The following INO80D variants were observed in gnomAD, a reference collection of about 807,000 sequenced individuals.
The protein encoded by INO80D is INO80 complex subunit D.
INO80D carries 21 observed loss-of-function variants against 87.6 expected under a neutral mutation model. The observed-to-expected ratio is 0.24, with a 90% CI of 0.17 to 0.35. The LOEUF (loss-of-function observed/expected upper bound fraction) is 0.35. INO80D is among the 10% of genes least tolerant of loss of function. The pLI is 1.00. For missense variants in INO80D, 982 were observed against 1,280.7 expected, an observed-to-expected ratio of 0.77 and a Z score of 3.56; for synonymous variants, 440 against 491.0, an observed-to-expected ratio of 0.90 and a Z score of 1.37.
chr2:206,058,367 C>T (rs1348211448), intron 3 of INO80D, among the ~76,000 whole-genome samples: 1 of 142,758 alleles, frequency 7.0e-6, no homozygotes, highest in Non-Finnish European at 1.5e-5. Flanking sequence ...TGCAGTGAGC[C>T]GAGATGGTGC....
Position 206,062,792 on chromosome 2 carries a change from C to A in INO80D, c.218+7G>T. The A allele has an allele frequency of 6.3e-7, 1 of 1,596,166 alleles. No homozygotes were observed. Among genetic ancestry groups the A allele is most frequent in the Non-Finnish European group, 8.5e-7 (1 of 1,173,800 alleles). ...ATCAAGGATTGATTCTCATGATTAG[C>A]CCTTACCTACGATCCTCTGATTTGG... On this transcript the variant is annotated splice_region_variant and intron_variant, in intron 3 of 10. Transcript: ENST00000403263. The surrounding 1 kb of genome is among the most constrained non-coding windows in gnomAD (Gnocchi z 4.6).
rs1166702269 is a variant in INO80D, at chr2:206,056,790, G to A, written c.372C>T (p.Asn124=). ...GAGAGAGGGACATTCCATCCAGTCC[G>A]TTGGGCATCTTCAAGGCCAACGTGG... ...TVPTLALKMP[N]GLDGMSLSPP... The change falls in exon 4 of 11, where the codon AAC becomes AAT. Residue 124 remains asparagine (N), a synonymous_variant. Coordinates refer to ENST00000403263, the MANE Select transcript of INO80D (RefSeq NM_017759.5). 10 of 1,612,508 alleles carry A rather than the reference G, an allele frequency of 6.2e-6. No individual in the cohort carries two copies. Among genetic ancestry groups the A allele is most frequent in the Middle Eastern group, 1.7e-4 (1 of 6,060 alleles).
intron 4 of INO80D, among the ~76,000 whole-genome samples, chr2:206,052,872 G>T (rs1212269018): frequency 6.6e-6 from 1 of 151,884 alleles, no homozygotes. Context: ...ATACATAAGA[G>T]CTTTATGGTT....
At chr2:206,026,515 C>T (rs1688619282) in intron 6 of INO80D, among the ~76,000 whole-genome samples, 2 of 151,304 alleles carry the variant, frequency 1.3e-5, no homozygotes, top group Admixed American at 1.3e-4. Flanking sequence ...CACTTCACTC[C>T]AGCCTGGGTG....
At chr2:206,077,172 G>A (rs1690141966) in intron 1 of INO80D, among the ~76,000 whole-genome samples, 1 of 152,016 alleles carries the variant, frequency 6.6e-6, no homozygotes, top group Non-Finnish European at 1.5e-5. Context: ...AGCTACTCAG[G>A]AGGCTGAGGG....
At chr2:206,029,174 C>T (rs372352606) in intron 5 of INO80D, among the ~76,000 whole-genome samples, 8 of 152,236 alleles carry the variant, frequency 5.3e-5, no homozygotes, top group Middle Eastern at 3.4e-3. Context: ...AGGCATGAGC[C>T]ACCGAGCCCG....
At chr2:206,083,319 A>C (rs536970547) in intron 1 of INO80D, among the ~76,000 whole-genome samples, 18 of 152,334 alleles carry the variant, frequency 1.2e-4, no homozygotes, top group Non-Finnish European at 1.8e-4. Context: ...AGGCAATAAC[A>C]ATTTTTTTCA....
chr2:206,053,441 T>C (rs993107739), intron 4 of INO80D, among the ~76,000 whole-genome samples: 1 of 152,190 alleles, frequency 6.6e-6, no homozygotes, highest in African/African-American at 2.4e-5. Context: ...AACAAATGGG[T>C]ATTAATATGG....
chr2:206,060,393 C>T (rs575954920), intron 3 of INO80D, among the ~76,000 whole-genome samples: 127 of 151,692 alleles, frequency 8.4e-4, no homozygotes, highest in Admixed American at 2.2e-3. Context: ...ATTAGCCGAG[C>T]GTGGTAGTGT....
intron 1 of INO80D, among the ~76,000 whole-genome samples, chr2:206,066,247 C>T (rs994644416): frequency 3.3e-5 from 5 of 150,970 alleles, no homozygotes; most frequent in Admixed American, 6.6e-5. Flanking sequence ...TGGAGCGAGA[C>T]GATGTCTCAA....
At chr2:206,032,173 G>A (rs941267677) in intron 5 of INO80D, among the ~76,000 whole-genome samples, 5 of 152,196 alleles carry the variant, frequency 3.3e-5, no homozygotes, top group Admixed American at 6.5e-5. Flanking sequence ...TGAACCTGGC[G>A]AGAAGCCTCC....
At chr2:206,037,906 AAAG>A (rs1688933931) in intron 5 of INO80D, among the ~76,000 whole-genome samples, 1 of 152,204 alleles carries the variant, frequency 6.6e-6, no homozygotes, top group Non-Finnish European at 1.5e-5. Flanking sequence ...CAAAATAAAA[AAAG>A]AATAAAATCA....
intron 1 of INO80D, among the ~76,000 whole-genome samples, chr2:206,075,505 T>G (rs112767707): frequency 0.078 from 11,908 of 151,788 alleles, 710 homozygotes; most frequent in Admixed American, 0.19. Context: ...GGCACGATGT[T>G]GGCTCACTGC....
At chr2:206,030,278 C>T (rs901960689) in intron 5 of INO80D, among the ~76,000 whole-genome samples, 10 of 152,144 alleles carry the variant, frequency 6.6e-5, no homozygotes, top group African/African-American at 1.7e-4. Context: ...GTTTGACCAA[C>T]AACGCAAAAC....
At chr2:206,052,910 T>C (rs1477739301) in intron 4 of INO80D, among the ~76,000 whole-genome samples, 1 of 152,070 alleles carries the variant, frequency 6.6e-6, no homozygotes, top group Non-Finnish European at 1.5e-5. Flanking sequence ...GTGTAAAGGA[T>C]CCTAAAACCA....
At chr2:206,006,195 T>C (rs1688019826) in intron 10 of INO80D, among the ~76,000 whole-genome samples, 1 of 152,228 alleles carries the variant, frequency 6.6e-6, no homozygotes, top group East Asian at 1.9e-4. Flanking sequence ...AAAAAATCTA[T>C]TGTTAGGAAC....
In INO80D at chr2:206,027,151, C is replaced by T. The variant is rs1688637397; in HGVS notation, c.1298+960G>A. Among the ~76,000 whole-genome samples, 5 of 87,664 alleles carry T rather than the reference C, an allele frequency of 5.7e-5. No homozygotes were observed. In the South Asian group the frequency reaches 2.4e-3, roughly 43 times the overall value. 57.5% of individuals were successfully genotyped at this position (87,664 alleles called of 152,430 possible). ...TGGAAAATTTACACACGCACGCGCGCACGCGCACACACACACACACACACA... is the reference window on the plus strand; with the variant it reads ...TGGAAAATTTACACACGCACGCGCGTACGCGCACACACACACACACACACA... On this transcript the variant is annotated intron_variant, in intron 6 of 10. Transcript: ENST00000403263.
intron 1 of INO80D, among the ~76,000 whole-genome samples, chr2:206,073,133 A>G (rs1247596455): frequency 6.6e-6 from 1 of 152,156 alleles, no homozygotes; most frequent in Non-Finnish European, 1.5e-5. Context: ...CACCACAACC[A>G]GCCTGAATTT....
intron 9 of INO80D, among the ~76,000 whole-genome samples, chr2:206,008,318 T>C (rs1688082415): frequency 1.4e-5 from 2 of 141,188 alleles, no homozygotes; most frequent in African/African-American, 5.3e-5. Flanking sequence ...TCTTGCTCTG[T>C]CGCCCAGGCT....
Sources: allele counts gnomAD v4.1 joint callset (sites outside exome capture counted in the v4.1 genomes callset), GRCh38; gene constraint gnomAD v4.1.1; non-coding constraint Gnocchi (gnomAD v3.1); transcripts MANE v1.5; gene names NCBI Gene and HGNC (gene_info 2026-07-23, HGNC 2026-07-21).